Variants in DPP6 observed in about 807,000 individuals in gnomAD.
DPP6 encodes A-type potassium channel modulatory protein DPP6.
In DPP6, 69 loss-of-function variants were observed where a neutral mutation model predicts 122.6. The ratio of observed to expected loss-of-function variants is 0.56; its 90% CI spans 0.46 to 0.69. The LOEUF (loss-of-function observed/expected upper bound fraction) is 0.69, where lower values mean the gene tolerates loss of function less well. Ranked by LOEUF, DPP6 falls within the 30% of genes least tolerant of loss-of-function variation. The probability of loss-of-function intolerance (pLI) is 0.00; values close to 1 mark genes in which losing one functional copy is unlikely to be tolerated. For synonymous variants in DPP6, 418 were observed against 433.1 expected, an observed-to-expected ratio of 0.97 and a Z score of 0.43; for missense variants, 928 against 1,116.9, an observed-to-expected ratio of 0.83 and a Z score of 2.41.
chr7:154,126,403 A>G (rs1807889236), intron 1 of DPP6, among the ~76,000 whole-genome samples: 1 of 152,044 alleles, frequency 6.6e-6, no homozygotes, highest in Non-Finnish European at 1.5e-5. Flanking sequence ...ACAGATGAAA[A>G]CATTCACGTC....
At chr7:154,475,294 C>T (rs1249865244) in intron 3 of DPP6, 14 of 433,266 alleles carry the variant, frequency 3.2e-5, no homozygotes, top group Non-Finnish European at 5.6e-5. Context: ...CTGCTGAAGA[C>T]GTGTCCTTTG....
intron 1 of DPP6, among the ~76,000 whole-genome samples, chr7:154,328,931 C>A (rs965187710): frequency 3.9e-5 from 6 of 152,200 alleles, no homozygotes; most frequent in Admixed American, 3.9e-4. Context: ...CTTCCCAGTT[C>A]TCATCAGCCA....
intron 3 of DPP6, among the ~76,000 whole-genome samples, chr7:154,516,264 CTTT>C (rs34511688): frequency 2.0e-5 from 3 of 146,880 alleles, no homozygotes; most frequent in South Asian, 2.2e-4. Flanking sequence ...CCGAACTCTG[CTTT>C]TTTTTTTTTT....
chr7:154,640,583 A>G (rs1010857561), intron 6 of DPP6, among the ~76,000 whole-genome samples: 1 of 152,158 alleles, frequency 6.6e-6, no homozygotes, highest in African/African-American at 2.4e-5. Context: ...ATTTGTCTTA[A>G]TGAGACAGTG....
rs183329828 is a variant in DPP6 at position 154,561,501 on chromosome 7, A to G, written c.553-5341A>G. ...ACAACATATTTCTAAATAACAAATC[A>G]GCCAAAGAAGAAACTGAATGTATTT... is the stretch of plus-strand genomic sequence containing the variant. On this transcript the variant is annotated intron_variant, in intron 4 of 25. Transcript: ENST00000377770. Among the ~76,000 whole-genome samples the G allele has an allele frequency of 4.1e-3, 621 of 152,370 alleles. 3 individuals carry two copies. Among genetic ancestry groups the G allele is most frequent in the Non-Finnish European group, 6.7e-3 (456 of 68,028 alleles).
At chr7:154,801,139 CT>C (rs1208400710) in intron 12 of DPP6, among the ~76,000 whole-genome samples, 2 of 152,042 alleles carry the variant, frequency 1.3e-5, no homozygotes, top group Admixed American at 6.5e-5. Context: ...GGGCTGTAGC[CT>C]CTTAATTCCT....
At chr7:153,864,348 T>TA in the DPP6 span, among the ~76,000 whole-genome samples, 1 of 152,104 alleles carries the variant, frequency 6.6e-6, no homozygotes, top group Non-Finnish European at 1.5e-5. Flanking sequence ...GAGTCAAACT[T>TA]ACGTTTTAAA....
intron 1 of DPP6, among the ~76,000 whole-genome samples, chr7:154,280,610 T>G (rs930691419): frequency 1.3e-5 from 2 of 152,240 alleles, no homozygotes; most frequent in Non-Finnish European, 2.9e-5. Flanking sequence ...ATTAATTCAA[T>G]TTACACTTGG....
intron 1 of DPP6, among the ~76,000 whole-genome samples, chr7:153,985,056 T>C (rs572237288): frequency 3.3e-5 from 5 of 152,312 alleles, no homozygotes; most frequent in Admixed American, 1.3e-4. Flanking sequence ...AAGGGAAAGA[T>C]AGAGATTAAG....
intron 1 of DPP6, among the ~76,000 whole-genome samples, chr7:153,926,457 C>T (rs1800904875): frequency 6.6e-6 from 1 of 152,124 alleles, no homozygotes; most frequent in Non-Finnish European, 1.5e-5. Flanking sequence ...CCTTTGTCTC[C>T]CAAGGGCCTG....
At chr7:154,301,285 G>A (rs1313525170) in intron 1 of DPP6, among the ~76,000 whole-genome samples, 1 of 152,150 alleles carries the variant, frequency 6.6e-6, no homozygotes, top group Non-Finnish European at 1.5e-5. Flanking sequence ...TATGTCTGAT[G>A]CCAAGTCAGT....
chr7:154,616,265 C>T (rs906806655), intron 5 of DPP6, among the ~76,000 whole-genome samples: 1 of 152,150 alleles, frequency 6.6e-6, no homozygotes, highest in Non-Finnish European at 1.5e-5. Context: ...ACAGCTCCAT[C>T]CCCTAGAAAC....
chr7:154,080,313 A>AAGCACACC, intron 1 of DPP6, among the ~76,000 whole-genome samples: 1 of 152,108 alleles, frequency 6.6e-6, no homozygotes, highest in South Asian at 2.1e-4. Context: ...AGCATCCAAG[A>AAGCACACC]TCAAGGTGTG....
intron 1 of DPP6, among the ~76,000 whole-genome samples, chr7:154,236,152 C>T (rs1269179349): frequency 6.6e-6 from 1 of 152,120 alleles, no homozygotes; most frequent in East Asian, 1.9e-4. Context: ...TGTGTCCAGC[C>T]AGTTTTATTA....
chr7:153,831,885 G>A, the DPP6 span, among the ~76,000 whole-genome samples: 4 of 152,144 alleles, frequency 2.6e-5, no homozygotes, highest in African/African-American at 9.7e-5. Flanking sequence ...CTAGCATTTT[G>A]TTCTAAGAGA....
intron 1 of DPP6, among the ~76,000 whole-genome samples, chr7:153,955,433 GTTAT>G (rs1563045353): frequency 6.6e-6 from 1 of 151,970 alleles, no homozygotes; most frequent in African/African-American, 2.4e-5. Context: ...CATTATTGTT[GTTAT>G]TTATTTATGT....
At chr7:154,069,464 A>G (rs993926566) in intron 1 of DPP6, among the ~76,000 whole-genome samples, 2 of 150,948 alleles carry the variant, frequency 1.3e-5, no homozygotes, top group Admixed American at 6.6e-5. Flanking sequence ...ATTTTTGAGA[A>G]TGTTCAAATT....
At chr7:154,443,516 A>C (rs1182315955) in intron 1 of DPP6, among the ~76,000 whole-genome samples, 1 of 140,342 alleles carries the variant, frequency 7.1e-6, no homozygotes, top group African/African-American at 3.1e-5. Context: ...ACATGGATGG[A>C]TGGATGGATG....
chr7:153,999,732 G>A (rs962915034), intron 1 of DPP6, among the ~76,000 whole-genome samples: 4 of 152,242 alleles, frequency 2.6e-5, no homozygotes, highest in African/African-American at 9.6e-5. Flanking sequence ...ACCAAGGCAA[G>A]TGGATCGCCT....
Sources: gnomAD v4.1 joint callset for allele counts (sites outside exome capture counted in the v4.1 genomes callset) on GRCh38, gnomAD v4.1.1 for gene constraint, MANE v1.5 for transcripts, NCBI Gene and HGNC (gene_info 2026-07-23, HGNC 2026-07-21) for gene names.